Variants in WDR35 observed in about 807,000 individuals in gnomAD.
WDR35 encodes WD repeat-containing protein 35.
In WDR35, 118 loss-of-function variants were observed where a neutral mutation model predicts 158.3. The observed-to-expected ratio is 0.75, with a 90% CI of 0.64 to 0.87. WDR35 has a LOEUF of 0.87. Among genes scored for constraint, WDR35 ranks in the 40% least tolerant of loss-of-function variants. WDR35 has a pLI of 0.00. For missense variants in WDR35, 1,263 were observed against 1,405.8 expected (o/e 0.90, Z 1.62); for synonymous variants, 448 against 476.1 (o/e 0.94, Z 0.77).
In WDR35 at chr2:19,934,420, T is replaced by C. The variant is rs1010300951; in HGVS notation, c.2548-909A>G. 2.6e-5 allele frequency among the ~76,000 whole-genome samples: 4 copies of C among 152,124 alleles called. No individual in the cohort carries two copies. The highest frequency in any genetic ancestry group is 9.7e-5 in the African/African-American group (4 of 41,436). ...GTTTGTGTTGTACACAATCACACAA[T>C]ACACAATTTTGTATCCTGTATTTCC... On this transcript the variant is annotated intron_variant, in intron 21 of 26. Transcript: ENST00000281405. This position sits in a 1 kb window ranked among gnomAD's most constrained non-coding sequence, Gnocchi z 4.6.
chr2:19,984,096 T>A (rs1672480223), intron 2 of WDR35, among the ~76,000 whole-genome samples: 2 of 150,818 alleles, frequency 1.3e-5, no homozygotes, highest in South Asian at 4.2e-4. Flanking sequence ...GTGAAATGGG[T>A]CATATGAGAT....
At chr2:19,959,244 A>T (rs1240115911) in intron 11 of WDR35, among the ~76,000 whole-genome samples, 3 of 150,104 alleles carry the variant, frequency 2.0e-5, no homozygotes, top group Admixed American at 6.6e-5. Context: ...GCTTTATTTT[A>T]AAAAAACAGT....
At chr2:19,924,297 G>T (rs769833059) in intron 25 of WDR35, among the ~76,000 whole-genome samples, 2 of 152,178 alleles carry the variant, frequency 1.3e-5, no homozygotes, top group Non-Finnish European at 2.9e-5. Flanking sequence ...GGGTGCAGTG[G>T]CTCATGCCTG....
chr2:19,960,506 A>T, intron 11 of WDR35, 48 bp downstream of exon 11: 2 of 1,480,730 alleles, frequency 1.4e-6, no homozygotes, highest in South Asian at 1.2e-5. Context: ...AATTAGTGTT[A>T]CAAATAAAAC....
chr2:19,951,359 A>G, intron 13 of WDR35, 56 bp downstream of exon 13: 1 of 1,371,702 alleles, frequency 7.3e-7, no homozygotes, highest in Admixed American at 1.9e-5. Flanking sequence ...AAATAAAATT[A>G]TAATATTTCA....
intron 25 of WDR35, among the ~76,000 whole-genome samples, chr2:19,919,402 A>AAAG (rs972248496): frequency 8.0e-5 from 12 of 149,424 alleles, no homozygotes; most frequent in African/African-American, 2.9e-4. Context: ...AAAAAAAGAA[A>AAAG]AGAAAAAGAA....
chr2:19,954,043 G>A, intron 11 of WDR35, 65 bp from the exon 12 acceptor site: 5 of 1,591,744 alleles, frequency 3.1e-6, no homozygotes, highest in East Asian at 2.2e-5. Flanking sequence ...GTGCTGCAAA[G>A]GCCTTTAGTA....
chr2:19,924,374 C>T (rs1407590566), intron 25 of WDR35, among the ~76,000 whole-genome samples: 1 of 151,976 alleles, frequency 6.6e-6, no homozygotes, highest in Non-Finnish European at 1.5e-5. Flanking sequence ...ACCATCCTGG[C>T]TAACATGGTG....
chr2:19,915,744 A>G lies in WDR35; in HGVS notation c.3122-1467T>C, dbSNP rs192883661. Among the ~76,000 whole-genome samples the G allele has an allele frequency of 3.3e-5, 5 of 152,126 alleles. No individual in the cohort carries two copies. In the East Asian group the frequency reaches 9.6e-4, roughly 29 times the overall value. On this transcript the variant is annotated intron_variant, in intron 25 of 26. Coordinates refer to ENST00000281405, the MANE Select transcript of WDR35 (RefSeq NM_020779.4). ...AACCTTTAGAGCCAGCAAGAAGAAAACTACAAATCTTTAGAAACACAGATA... is the reference window on the plus strand; with the variant it reads ...AACCTTTAGAGCCAGCAAGAAGAAAGCTACAAATCTTTAGAAACACAGATA...
intron 11 of WDR35, among the ~76,000 whole-genome samples, chr2:19,957,997 T>C (rs186108987): frequency 7.9e-5 from 12 of 152,374 alleles, no homozygotes; most frequent in African/African-American, 2.9e-4. Flanking sequence ...CTGCTTGTAA[T>C]ATTTTAATGC....
At chr2:19,913,823 A>G (rs1410199943) in intron 26 of WDR35, 115 bp from the exon 27 acceptor site, 6 of 1,466,590 alleles carry the variant, frequency 4.1e-6, no homozygotes, top group East Asian at 4.8e-5. Context: ...AACATCAAAT[A>G]CTTTCATTTA....
In WDR35 at chr2:19,912,168, T is replaced by C. The variant is rs1184263960; in HGVS notation, c.*1390A>G. The C allele has an allele frequency of 6.6e-6, 1 of 152,244 alleles. No individual in the cohort carries two copies. The highest frequency in any genetic ancestry group is 1.5e-5 in the Non-Finnish European group (1 of 68,042). 9.4% of individuals were successfully genotyped at this position (152,244 alleles called of 1,614,324 possible). ...ACGTTACACTAACAGTGTTAATCTA[T>C]CATTGCTTTCTCCTTGTTCCTCACT... On this transcript the variant is annotated 3_prime_UTR_variant, in exon 27 of 27. Transcript: ENST00000281405.
chr2:19,951,312 T>C, intron 13 of WDR35, 103 bp downstream of exon 13: 1 of 1,012,464 alleles, frequency 9.9e-7, no homozygotes, highest in South Asian at 1.5e-5. Context: ...TAAAATAATA[T>C]CCTATTCACT....
chr2:19,940,124 G>C (rs1271332063), intron 17 of WDR35, among the ~76,000 whole-genome samples: 1 of 148,564 alleles, frequency 6.7e-6, no homozygotes, highest in Non-Finnish European at 1.5e-5. Flanking sequence ...AGGGCAAAAT[G>C]AGAGTTTCAC....
intron 5 of WDR35, 33 bp downstream of exon 5, chr2:19,978,718 T>C: frequency 3.7e-6 from 6 of 1,613,246 alleles, no homozygotes; most frequent in Non-Finnish European, 5.1e-6. Flanking sequence ...AGCCAGATAT[T>C]GATCTTAGTT....
chr2:19,981,374 CT>C (rs1225612514), intron 3 of WDR35, among the ~76,000 whole-genome samples: 2 of 152,198 alleles, frequency 1.3e-5, no homozygotes, highest in Non-Finnish European at 2.9e-5. Context: ...AAGTTTAACA[CT>C]GATATACTAT....
chr2:19,963,895 C>T (rs528970976), intron 10 of WDR35, among the ~76,000 whole-genome samples: 27 of 152,054 alleles, frequency 1.8e-4, no homozygotes, highest in Non-Finnish European at 3.7e-4. Flanking sequence ...AGGCACCCGC[C>T]ACCACACCTG....
intron 2 of WDR35, among the ~76,000 whole-genome samples, chr2:19,986,326 G>C (rs956636490): frequency 9.9e-5 from 15 of 152,068 alleles, no homozygotes; most frequent in African/African-American, 3.6e-4. Context: ...ATAAATGTGG[G>C]GCTCTTCACC....
At position 19,917,860 on chromosome 2, in the gene WDR35, A is replaced by T. The variant is rs573857191; in HGVS notation, c.3122-3583T>A. On this transcript the variant is annotated intron_variant, in intron 25 of 26. Transcript: ENST00000281405. ...AGGAAAATCCCCAACCTAGCAAGGC[A>T]GGCCAACATTCAAATTCAGGAAATA... Among the ~76,000 whole-genome samples, 10 of 152,326 alleles carry T rather than the reference A, an allele frequency of 6.6e-5. No homozygotes were observed. The East Asian group carries it at 1.7e-3, about 26-fold the overall frequency.
Sources: gnomAD v4.1 joint callset for allele counts (sites outside exome capture counted in the v4.1 genomes callset) on GRCh38, gnomAD v4.1.1 for gene constraint, Gnocchi (gnomAD v3.1) non-coding constraint, MANE v1.5 for transcripts, NCBI Gene and HGNC (gene_info 2026-07-23, HGNC 2026-07-21) for gene names.